CERS6: variants seen among roughly 807,000 people sequenced by gnomAD.
The protein encoded by CERS6 is ceramide synthase 6.
CERS6 carries 26 observed loss-of-function variants against 56.8 expected under a neutral mutation model. The ratio of observed to expected loss-of-function variants is 0.46; its 90% CI spans 0.34 to 0.63. CERS6 has a LOEUF of 0.63. Ranked by LOEUF, CERS6 falls within the 30% of genes least tolerant of loss-of-function variation. The probability of loss-of-function intolerance (pLI) is 0.01; values close to 1 mark genes in which losing one functional copy is unlikely to be tolerated. For missense variants in CERS6, 415 were observed against 467.5 expected, an observed-to-expected ratio of 0.89 and a Z score of 1.04; for synonymous variants, 164 against 173.3, an observed-to-expected ratio of 0.95 and a Z score of 0.42.
intron 2 of CERS6, among the ~76,000 whole-genome samples, chr2:168,550,558 G>A (rs1421891992): frequency 2.0e-5 from 3 of 152,182 alleles, no homozygotes; most frequent in African/African-American, 4.8e-5. Context: ...GACCCTCACA[G>A]GTAGCTGGGG....
At chr2:168,465,280 A>G (rs1341235316) in intron 1 of CERS6, among the ~76,000 whole-genome samples, 7 of 152,220 alleles carry the variant, frequency 4.6e-5, no homozygotes, top group Non-Finnish European at 8.8e-5. Context: ...TCCAAGATCA[A>G]GGTGTGAACA....
intron 3 of CERS6, among the ~76,000 whole-genome samples, chr2:168,565,590 G>A (rs1695870500): frequency 6.6e-6 from 1 of 152,182 alleles, no homozygotes; most frequent in African/African-American, 2.4e-5. Flanking sequence ...TCATCTTTCA[G>A]CAGTGTGGAA....
At chr2:168,595,810 T>C (rs548409543) in intron 3 of CERS6, among the ~76,000 whole-genome samples, 5 of 152,356 alleles carry the variant, frequency 3.3e-5, no homozygotes, top group Non-Finnish European at 5.9e-5. Flanking sequence ...TACATAGTTA[T>C]TTAAGATTTG....
At chr2:168,508,637 C>T (rs1033035694) in intron 1 of CERS6, among the ~76,000 whole-genome samples, 10 of 151,932 alleles carry the variant, frequency 6.6e-5, no homozygotes, top group Non-Finnish European at 1.0e-4. Flanking sequence ...CACATGTTCT[C>T]GCTCCTAAGT....
intron 4 of CERS6, among the ~76,000 whole-genome samples, chr2:168,682,968 A>G (rs1686258162): frequency 1.3e-5 from 2 of 152,228 alleles, no homozygotes; most frequent in African/African-American, 4.8e-5. Context: ...AATTTTTGTT[A>G]TAAAAAGAAT....
At chr2:168,662,123 G>A (rs1246593730) in intron 4 of CERS6, among the ~76,000 whole-genome samples, 1 of 103,280 alleles carries the variant, frequency 9.7e-6, no homozygotes, top group Admixed American at 9.3e-5. Flanking sequence ...ATTCAAGGCT[G>A]TCTCTTTTTT....
chr2:168,691,208 G>A (rs1686493356), intron 5 of CERS6, 124 bp downstream of exon 5: 1 of 794,184 alleles, frequency 1.3e-6, no homozygotes. Flanking sequence ...CACTCCCGCT[G>A]ATCAGTGCTG....
chr2:168,727,503 C>T (rs1024243238), intron 8 of CERS6, among the ~76,000 whole-genome samples: 7 of 150,470 alleles, frequency 4.7e-5, no homozygotes, highest in African/African-American at 1.7e-4. Context: ...GAGCCGAGAT[C>T]GCGCCACTGC....
chr2:168,734,028 G>A (rs914794195), intron 8 of CERS6, among the ~76,000 whole-genome samples: 7 of 152,156 alleles, frequency 4.6e-5, no homozygotes, highest in African/African-American at 1.4e-4. Context: ...CATAAAATGG[G>A]AGAATTGGAA....
At chr2:168,698,125 G>C (rs775055665) in intron 6 of CERS6, among the ~76,000 whole-genome samples, 1 of 151,672 alleles carries the variant, frequency 6.6e-6, no homozygotes, top group Non-Finnish European at 1.5e-5. Flanking sequence ...ACGAAACCCT[G>C]TCTGTATAAA....
rs1366799146 is a variant in CERS6 at position 168,774,577 on chromosome 2, T to C, written c.*4915T>C. ...TCTATTTCATTGAGACAATTTTTTC[T>C]TTATCCACAGTAATTTTTTGACACT... On this transcript the variant is annotated 3_prime_UTR_variant, in exon 10 of 10. Transcript: ENST00000305747. 1 of 152,178 alleles carries C rather than the reference T, an allele frequency of 6.6e-6. No homozygotes were observed. The highest frequency in any genetic ancestry group is 2.4e-5 in the African/African-American group (1 of 41,440). The allele number at this position is 152,178 out of a possible 1,614,324, so 9.4% of individuals were successfully genotyped here.
intron 1 of CERS6, among the ~76,000 whole-genome samples, chr2:168,503,353 A>G (rs987763337): frequency 2.6e-5 from 4 of 152,298 alleles, no homozygotes; most frequent in Non-Finnish European, 2.9e-5. Context: ...GTCATGGAAG[A>G]TACCCTCTTC....
rs543804573 is a variant in CERS6 at position 168,520,838 on chromosome 2, G to C, written c.171-26758G>C. ...TTGGCCAGGCTGGTCTCGAACTCCT[G>C]ACCTCAAGTGATCTGCCGCCTCAGC... On this transcript the variant is annotated intron_variant, in intron 1 of 9. Coordinates refer to ENST00000305747, the MANE Select transcript of CERS6 (RefSeq NM_203463.3). Among the ~76,000 whole-genome samples the C allele has an allele frequency of 3.3e-5, 5 of 151,870 alleles. No individual in the cohort carries two copies. The East Asian group carries it at 9.7e-4, about 29-fold the overall frequency.
At chr2:168,576,608 T>A (rs10181875) in intron 3 of CERS6, among the ~76,000 whole-genome samples, 2 of 152,208 alleles carry the variant, frequency 1.3e-5, no homozygotes, top group Admixed American at 1.3e-4. Context: ...TGAAAACTTA[T>A]AGAGAAGTTT....
chr2:168,539,229 T>G (rs1387258067), intron 1 of CERS6, among the ~76,000 whole-genome samples: 1 of 1,210 alleles, frequency 8.3e-4, no homozygotes, highest in African/African-American at 8.5e-4. Flanking sequence ...CCTCCCAAAG[T>G]GCTGGGATTA....
chr2:168,717,347 C>T (rs772533075), intron 7 of CERS6, among the ~76,000 whole-genome samples: 1 of 151,932 alleles, frequency 6.6e-6, no homozygotes, highest in Non-Finnish European at 1.5e-5. Flanking sequence ...CCCCAGAGTA[C>T]TCCTTGTGCC....
At chr2:168,573,445 G>A (rs1696027571) in intron 3 of CERS6, among the ~76,000 whole-genome samples, 1 of 152,142 alleles carries the variant, frequency 6.6e-6, no homozygotes, top group Non-Finnish European at 1.5e-5. Flanking sequence ...AGTTACTATT[G>A]AAGTATATAG....
At chr2:168,640,722 A>G (rs1006507065) in intron 4 of CERS6, among the ~76,000 whole-genome samples, 7 of 152,220 alleles carry the variant, frequency 4.6e-5, no homozygotes, top group African/African-American at 7.2e-5. Flanking sequence ...TACTTATATA[A>G]TATGAGGCTT....
chr2:168,726,760 T>C (rs1190884469), intron 8 of CERS6, among the ~76,000 whole-genome samples: 2 of 152,230 alleles, frequency 1.3e-5, no homozygotes, highest in African/African-American at 4.8e-5. Context: ...TGTGCTGTTA[T>C]TGTTAAAGAT....
Sources: allele counts gnomAD v4.1 joint callset (sites outside exome capture counted in the v4.1 genomes callset), GRCh38; gene constraint gnomAD v4.1.1; transcripts MANE v1.5; gene names NCBI Gene and HGNC (gene_info 2026-07-23, HGNC 2026-07-21).